The following ANKIB1 variants were observed in gnomAD, a reference collection of about 807,000 sequenced individuals.
ANKIB1 encodes ankyrin repeat and IBR domain-containing protein 1.
ANKIB1 carries 43 observed loss-of-function variants against 122.1 expected under a neutral mutation model. That is an observed-to-expected ratio of 0.35 (90% CI 0.28 to 0.45). ANKIB1 has a LOEUF of 0.45. Ranked by LOEUF, ANKIB1 falls within the 20% of genes least tolerant of loss-of-function variation. The pLI is 1.00. For missense variants in ANKIB1, 992 were observed against 1,329.5 expected (o/e 0.75, Z 3.95); for synonymous variants, 390 against 442.0 (o/e 0.88, Z 1.48).
At chr7:92,396,201 T>A in intron 17 of ANKIB1, 164 bp from the exon 18 acceptor site, 1 of 608,788 alleles carries the variant, frequency 1.6e-6, no homozygotes, top group Non-Finnish European at 2.9e-6. Flanking sequence ...TTTTACCTTT[T>A]GTGTTTCCTT....
intron 16 of ANKIB1, 116 bp from the exon 17 acceptor site, chr7:92,392,125 T>C: frequency 2.9e-6 from 2 of 690,532 alleles, no homozygotes; most frequent in Non-Finnish European, 2.3e-6. Flanking sequence ...TGATCTACTT[T>C]AGTTAAGCAA....
chr7:92,340,121 T>G (rs2131972493), intron 5 of ANKIB1, among the ~76,000 whole-genome samples: 1 of 152,296 alleles, frequency 6.6e-6, no homozygotes, highest in African/African-American at 2.4e-5. Flanking sequence ...GATGGCTTTG[T>G]TTGTCCCAAG....
chr7:92,329,301 T>C (rs1803104776), intron 5 of ANKIB1, among the ~76,000 whole-genome samples: 1 of 152,130 alleles, frequency 6.6e-6, no homozygotes, highest in Non-Finnish European at 1.5e-5. Flanking sequence ...AGTCTACAAC[T>C]GCCATTCTTT....
rs564380381 is a variant in ANKIB1, at chr7:92,288,023, A to C, written c.-90-6866A>C. ...TGCACTCCAGCCTGGGCGACAGAGCAAGACTCCGTCTCAAAAAAAAAAAAA... is the reference window on the plus strand; with the variant it reads ...TGCACTCCAGCCTGGGCGACAGAGCCAGACTCCGTCTCAAAAAAAAAAAAA... On this transcript the variant is annotated intron_variant, in intron 1 of 19. Transcript: ENST00000265742. Among the ~76,000 whole-genome samples the C allele has an allele frequency of 1.3e-3, 180 of 143,748 alleles. 1 individual carries two copies. Among genetic ancestry groups the C allele is most frequent in the Non-Finnish European group, 2.0e-3 (132 of 65,886 alleles). The allele number at this position is 143,748 out of a possible 152,430, so 94.3% of individuals were successfully genotyped here.
At chr7:92,378,099 T>C (rs1777595516) in intron 11 of ANKIB1, among the ~76,000 whole-genome samples, 1 of 152,202 alleles carries the variant, frequency 6.6e-6, no homozygotes, top group African/African-American at 2.4e-5. Flanking sequence ...ACTCTACAGA[T>C]ATTAGCAAAC....
intron 10 of ANKIB1, among the ~76,000 whole-genome samples, chr7:92,371,036 T>C (rs1324452254): frequency 6.6e-6 from 1 of 152,208 alleles, no homozygotes; most frequent in East Asian, 1.9e-4. Context: ...ATGTTGATAT[T>C]TTTTGCTTTT....
chr7:92,255,047 A>G (rs1050009076), intron 1 of ANKIB1, among the ~76,000 whole-genome samples: 1 of 152,324 alleles, frequency 6.6e-6, no homozygotes, highest in Admixed American at 6.5e-5. Flanking sequence ...CCATCCATGT[A>G]AGATGTGACT....
At chr7:92,303,890 A>G (rs989856618) in intron 2 of ANKIB1, among the ~76,000 whole-genome samples, 16 of 152,158 alleles carry the variant, frequency 1.1e-4, no homozygotes, top group African/African-American at 3.6e-4. Flanking sequence ...GGTAACAGCT[A>G]TAAACTGGCT....
chr7:92,269,524 A>G (rs757778826), intron 1 of ANKIB1, among the ~76,000 whole-genome samples: 1 of 151,834 alleles, frequency 6.6e-6, no homozygotes, highest in Non-Finnish European at 1.5e-5. Context: ...ATATTTAAGT[A>G]TGTGATTTTT....
intron 1 of ANKIB1, among the ~76,000 whole-genome samples, chr7:92,262,802 T>C (rs566836131): frequency 6.6e-6 from 1 of 152,282 alleles, no homozygotes; most frequent in South Asian, 2.1e-4. Flanking sequence ...CAGATACAGC[T>C]GTGTGATTCT....
chr7:92,331,965 T>A (rs575534698), intron 5 of ANKIB1, among the ~76,000 whole-genome samples: 3 of 152,346 alleles, frequency 2.0e-5, no homozygotes, highest in East Asian at 1.9e-4. Flanking sequence ...TTTATCCCTA[T>A]TTTTTACACA....
chr7:92,376,660 G>A (rs1804390075), intron 11 of ANKIB1, among the ~76,000 whole-genome samples: 1 of 151,940 alleles, frequency 6.6e-6, no homozygotes, highest in South Asian at 2.1e-4. Flanking sequence ...TGTTTGCTAG[G>A]CTGGTCTAGA....
chr7:92,363,872 G>A (rs2115610348), intron 10 of ANKIB1, among the ~76,000 whole-genome samples: 1 of 152,322 alleles, frequency 6.6e-6, no homozygotes, highest in Admixed American at 6.5e-5. Flanking sequence ...CCACTTATTA[G>A]TTGATAATGA....
intron 10 of ANKIB1, among the ~76,000 whole-genome samples, chr7:92,367,948 G>T (rs756281777): frequency 6.6e-5 from 10 of 152,284 alleles, no homozygotes; most frequent in Middle Eastern, 3.4e-3. Context: ...TTGACGCTCA[G>T]AGTTCAAGAC....
chr7:92,261,390 GTTTGTTTTGTTTTGTTTTGT>G (rs3041533), intron 1 of ANKIB1, among the ~76,000 whole-genome samples: 2 of 145,006 alleles, frequency 1.4e-5, no homozygotes, highest in East Asian at 2.1e-4. Flanking sequence ...TATGTTTTTT[GTTTGTTTTGTTTTGTTTTGT>G]TTTGTTTTGT....
intron 7 of ANKIB1, among the ~76,000 whole-genome samples, chr7:92,345,425 A>AT (rs1474369388): frequency 6.6e-6 from 1 of 152,176 alleles, no homozygotes; most frequent in Non-Finnish European, 1.5e-5. Flanking sequence ...TGCTGTCTCA[A>AT]TTTTTTGTGA....
chr7:92,380,824 T>G (rs989059301), intron 11 of ANKIB1, among the ~76,000 whole-genome samples: 4 of 151,876 alleles, frequency 2.6e-5, no homozygotes, highest in Admixed American at 2.0e-4. Context: ...AAGCTGAAAA[T>G]TCTAAAAACC....
At chr7:92,273,287 A>G (rs1801835213) in intron 1 of ANKIB1, among the ~76,000 whole-genome samples, 1 of 152,304 alleles carries the variant, frequency 6.6e-6, no homozygotes, top group African/African-American at 2.4e-5. Flanking sequence ...ATTCAGCTGA[A>G]CTCAGATAGG....
In ANKIB1 at chr7:92,269,558, G is replaced by A. The variant is rs563558682; in HGVS notation, c.-91+23039G>A. ...TTTAAGAAAGCTCTGTAAGGAAAAC[G>A]TTTTTCCTGTTAACAAACATTTTAT... On this transcript the variant is annotated intron_variant, in intron 1 of 19. Transcript: ENST00000265742. Among the ~76,000 whole-genome samples the A allele has an allele frequency of 3.3e-5, 5 of 152,256 alleles. No homozygotes were observed. The East Asian group carries it at 9.6e-4, about 29-fold the overall frequency.
Sources: gnomAD v4.1 joint callset for allele counts (sites outside exome capture counted in the v4.1 genomes callset) on GRCh38, gnomAD v4.1.1 for gene constraint, MANE v1.5 for transcripts, NCBI Gene and HGNC (gene_info 2026-07-23, HGNC 2026-07-21) for gene names.